The following MCF2L2 variants were observed in gnomAD, a reference collection of about 807,000 sequenced individuals.
MCF2L2 encodes the protein MCF.2 cell line derived transforming sequence-like 2, also known as probable guanine nucleotide exchange factor MCF2L2.
A neutral mutation model predicts 150.2 loss-of-function variants in MCF2L2; 102 were observed. The ratio of observed to expected loss-of-function variants is 0.68; its 90% CI spans 0.58 to 0.80. MCF2L2 has a LOEUF of 0.80. MCF2L2 is among the 30% of genes least tolerant of loss of function. The probability of loss-of-function intolerance (pLI) is 0.00; values close to 1 mark genes in which losing one functional copy is unlikely to be tolerated. For synonymous variants in MCF2L2, 465 were observed against 491.3 expected (o/e 0.95, Z 0.71); for missense variants, 1,256 against 1,372.8 (o/e 0.91, Z 1.34).
chr3:183,370,611 A>G (rs1386919796), intron 3 of MCF2L2, among the ~76,000 whole-genome samples: 2 of 152,254 alleles, frequency 1.3e-5, no homozygotes, highest in Non-Finnish European at 2.9e-5. Context: ...GAGGTATTCT[A>G]AAACAATCAC....
chr3:183,205,487 T>G (rs1361159308), intron 25 of MCF2L2, among the ~76,000 whole-genome samples: 1 of 152,246 alleles, frequency 6.6e-6, no homozygotes, highest in African/African-American at 2.4e-5. Context: ...TTGTATATTT[T>G]AGACAGTGAA....
chr3:183,196,877 C>T (rs1722099965), intron 25 of MCF2L2, among the ~76,000 whole-genome samples: 1 of 152,108 alleles, frequency 6.6e-6, no homozygotes, highest in Non-Finnish European at 1.5e-5. Flanking sequence ...ACCTATAAAG[C>T]ACAGTTCAGG....
At chr3:183,403,628 G>T (rs1714888252) in intron 1 of MCF2L2, among the ~76,000 whole-genome samples, 1 of 152,246 alleles carries the variant, frequency 6.6e-6, no homozygotes, top group Non-Finnish European at 1.5e-5. Flanking sequence ...CTTCAGCTGG[G>T]TGTGGGTTCC....
intron 3 of MCF2L2, among the ~76,000 whole-genome samples, chr3:183,370,177 C>A (rs1297548418): frequency 2.0e-5 from 3 of 152,232 alleles, no homozygotes; most frequent in Non-Finnish European, 4.4e-5. Context: ...ATCCTCAGAC[C>A]GGATTGAGAA....
Position 183,428,044 on chromosome 3 carries a change from T to A in MCF2L2, c.-67A>T. ...CTGTTTCTACCGCTGCGGTGGATGA[T>A]TTTTTAAAGGCATCTCCGCCCAAGG... On this transcript the variant is annotated 5_prime_UTR_variant, in exon 1 of 30. Transcript: ENST00000328913. This position sits in a 1 kb window ranked among gnomAD's most constrained non-coding sequence, Gnocchi z 5.1. The A allele has an allele frequency of 8.1e-7, 1 of 1,242,150 alleles. No individual in the cohort carries two copies. The highest frequency in any genetic ancestry group is 1.2e-6 in the Non-Finnish European group (1 of 842,934). The allele number at this position is 1,242,150 out of a possible 1,614,324, so 76.9% of individuals were successfully genotyped here. A position where few individuals can be genotyped will look rare whatever the true frequency, so the allele number is the denominator to read the frequency against.
rs747718048 is a variant in MCF2L2 at position 183,311,730 on chromosome 3, A to G, written c.796T>C (p.Ser266Pro). 6.2e-7 allele frequency: 1 copy of G among 1,614,116 alleles called. No individual in the cohort carries two copies. The highest frequency in any genetic ancestry group is 1.7e-5 in the Admixed American group (1 of 60,022). The change falls in exon 8 of 30, where the codon TCA becomes CCA. Residue 266 changes from serine (S) to proline (P), a missense_variant. Physicochemically the swap from Ser to Pro is moderately conservative, Grantham distance 74. Transcript: ENST00000328913. ...LLGKQGTTLLSCIQEPATKCP... is the reference protein window; with the variant it reads ...LLGKQGTTLLPCIQEPATKCP... Reference sequence around the variant, plus strand: ...TTGGTTGCTGGTTCTTGGATGCATGACAGCAATGTGGTCCCCTGCTTTCCA... The same window carrying G: ...TTGGTTGCTGGTTCTTGGATGCATGGCAGCAATGTGGTCCCCTGCTTTCCA...
At chr3:183,216,401 T>TCTATA (rs1369676450) in intron 21 of MCF2L2, among the ~76,000 whole-genome samples, 2 of 143,496 alleles carry the variant, frequency 1.4e-5, no homozygotes, top group Non-Finnish European at 3.0e-5. Flanking sequence ...ATAGCTGAAT[T>TCTATA]CTATATGTTT....
chr3:183,297,269 C>T (rs1431017564), intron 11 of MCF2L2, 102 bp from the exon 12 acceptor site: 6 of 999,846 alleles, frequency 6.0e-6, no homozygotes, highest in Non-Finnish European at 9.0e-6. Flanking sequence ...ACAAGGATTC[C>T]CAGACAATGG....
At chr3:183,326,988 C>G (rs550760156) in intron 5 of MCF2L2, among the ~76,000 whole-genome samples, 2 of 152,148 alleles carry the variant, frequency 1.3e-5, no homozygotes, top group South Asian at 2.1e-4. Flanking sequence ...TTGACCCACA[C>G]CTATGAAAGT....
intron 2 of MCF2L2, among the ~76,000 whole-genome samples, chr3:183,386,277 T>C (rs1404529477): frequency 6.6e-6 from 1 of 152,210 alleles, no homozygotes; most frequent in African/African-American, 2.4e-5. Flanking sequence ...TCTTGTTTCC[T>C]AGCTAAGCCC....
intron 3 of MCF2L2, among the ~76,000 whole-genome samples, chr3:183,346,772 CAGAG>C (rs761758870): frequency 2.0e-5 from 3 of 152,242 alleles, no homozygotes; most frequent in Non-Finnish European, 1.5e-5. Context: ...CAACAATAGA[CAGAG>C]AGCCAAATCA....
chr3:183,394,319 C>A (rs1328126542), intron 1 of MCF2L2, among the ~76,000 whole-genome samples: 1 of 152,220 alleles, frequency 6.6e-6, no homozygotes, highest in East Asian at 1.9e-4. Context: ...TAACTTTGCA[C>A]GTCACAGATT....
intron 13 of MCF2L2, among the ~76,000 whole-genome samples, chr3:183,293,353 C>T (rs534623480): frequency 1.2e-3 from 186 of 152,274 alleles, no homozygotes; most frequent in African/African-American, 3.8e-3. Flanking sequence ...CCACAATACA[C>T]GACACAAACA....
At chr3:183,350,899 G>A (rs571101392) in intron 3 of MCF2L2, among the ~76,000 whole-genome samples, 18 of 146,494 alleles carry the variant, frequency 1.2e-4, no homozygotes, top group African/African-American at 3.5e-4. Flanking sequence ...GCGAGACTCC[G>A]TCTCAAAAAA....
chr3:183,409,552 T>TA (rs1715216188), intron 1 of MCF2L2, among the ~76,000 whole-genome samples: 1 of 61,860 alleles, frequency 1.6e-5, no homozygotes, highest in Non-Finnish European at 3.2e-5. Flanking sequence ...CTAAAATTTC[T>TA]TTTTTTTTTT....
At chr3:183,321,309 G>T (rs527945613) in intron 6 of MCF2L2, among the ~76,000 whole-genome samples, 3 of 151,810 alleles carry the variant, frequency 2.0e-5, no homozygotes, top group African/African-American at 7.3e-5. Context: ...GTGGTGGCGC[G>T]TGCCTGTAAT....
intron 1 of MCF2L2, among the ~76,000 whole-genome samples, chr3:183,403,898 A>G (rs895817076): frequency 6.6e-6 from 1 of 152,222 alleles, no homozygotes; most frequent in Non-Finnish European, 1.5e-5. Flanking sequence ...TCAAAGTTAT[A>G]TCTTGAAACG....
intron 11 of MCF2L2, chr3:183,299,597 T>C (rs884910): frequency 0.069 from 11,897 of 171,294 alleles, 1,124 homozygotes; most frequent in African/African-American, 0.22. Context: ...ATAAAATGGT[T>C]GTTATTACTT....
intron 1 of MCF2L2, among the ~76,000 whole-genome samples, chr3:183,405,809 G>A (rs1448137783): frequency 2.6e-5 from 4 of 152,134 alleles, no homozygotes; most frequent in South Asian, 2.1e-4. Flanking sequence ...TCCGCCTCCC[G>A]ACTTCAAGCA....
Sources: allele counts gnomAD v4.1 joint callset (sites outside exome capture counted in the v4.1 genomes callset), GRCh38; gene constraint gnomAD v4.1.1; non-coding constraint Gnocchi (gnomAD v3.1); transcripts MANE v1.5; gene names NCBI Gene and HGNC (gene_info 2026-07-23, HGNC 2026-07-21).